The following TMEM132C variants were observed in gnomAD, a reference collection of about 807,000 sequenced individuals.
The protein encoded by TMEM132C is protein phosphatase 1, regulatory subunit 152.
TMEM132C carries 29 observed loss-of-function variants against 61.4 expected under a neutral mutation model. The observed-to-expected ratio is 0.47, with a 90% CI of 0.35 to 0.64. The LOEUF (loss-of-function observed/expected upper bound fraction) is 0.64. Among genes scored for constraint, TMEM132C ranks in the 30% least tolerant of loss-of-function variants. The pLI is 0.00. For synonymous variants in TMEM132C, 656 were observed against 633.1 expected (o/e 1.04, Z -0.54); for missense variants, 1,408 against 1,476.9 (o/e 0.95, Z 0.76).
At chr12:128,491,681 C>T (rs1006660686) in intron 2 of TMEM132C, among the ~76,000 whole-genome samples, 16 of 152,130 alleles carry the variant, frequency 1.1e-4, no homozygotes, top group East Asian at 9.7e-4. Flanking sequence ...GGACCTGGTG[C>T]TGACCCACGG....
At chr12:128,612,958 C>G (rs569201909) in intron 3 of TMEM132C, among the ~76,000 whole-genome samples, 15 of 152,188 alleles carry the variant, frequency 9.9e-5, no homozygotes, top group African/African-American at 3.6e-4. Flanking sequence ...ATGGGAATGT[C>G]ATTATTTCAG....
At chr12:128,632,856 T>A (rs1163973610) in intron 4 of TMEM132C, among the ~76,000 whole-genome samples, 1 of 152,246 alleles carries the variant, frequency 6.6e-6, no homozygotes, top group Non-Finnish European at 1.5e-5. Context: ...CTTCAGAATG[T>A]GGTATGGAAA....
At chr12:128,644,824 A>T (rs1954183449) in intron 4 of TMEM132C, among the ~76,000 whole-genome samples, 1 of 152,172 alleles carries the variant, frequency 6.6e-6, no homozygotes, top group African/African-American at 2.4e-5. Flanking sequence ...CAGGTGTGTG[A>T]GCTGCAGCTT....
intron 2 of TMEM132C, among the ~76,000 whole-genome samples, chr12:128,527,657 G>A (rs1873130739): frequency 6.6e-6 from 1 of 152,070 alleles, no homozygotes; most frequent in Non-Finnish European, 1.5e-5. Flanking sequence ...CATCAAGTTA[G>A]CAGTGGGGTG....
chr12:128,541,847 C>T (rs1466824675), intron 2 of TMEM132C, among the ~76,000 whole-genome samples: 1 of 152,108 alleles, frequency 6.6e-6, no homozygotes. Context: ...CAGTGTTTCT[C>T]CTGGAGGGTG....
At chr12:128,499,530 C>T (rs1872084032) in intron 2 of TMEM132C, among the ~76,000 whole-genome samples, 1 of 152,138 alleles carries the variant, frequency 6.6e-6, no homozygotes, top group Non-Finnish European at 1.5e-5. Context: ...GTATTTTGTA[C>T]CCATTAACCC....
intron 4 of TMEM132C, among the ~76,000 whole-genome samples, chr12:128,647,948 G>A (rs1415693813): frequency 6.8e-6 from 1 of 147,472 alleles, no homozygotes; most frequent in East Asian, 2.0e-4. Context: ...GTGTTTACTG[G>A]AGTCCATTGG....
chr12:128,679,783 T>C (rs1431931972), intron 5 of TMEM132C, among the ~76,000 whole-genome samples: 1 of 152,234 alleles, frequency 6.6e-6, no homozygotes, highest in East Asian at 1.9e-4. Flanking sequence ...ATAGAAAGTA[T>C]ATAAGTAAAC....
chr12:128,448,311 C>T (rs994000826), intron 2 of TMEM132C, among the ~76,000 whole-genome samples: 4 of 152,206 alleles, frequency 2.6e-5, no homozygotes, highest in African/African-American at 9.7e-5. Flanking sequence ...ATTTCTTTAC[C>T]TTGCAATTCC....
chr12:128,523,443 G>GT (rs1485375884), intron 2 of TMEM132C, among the ~76,000 whole-genome samples: 1 of 152,136 alleles, frequency 6.6e-6, no homozygotes, highest in Non-Finnish European at 1.5e-5. Flanking sequence ...TTACCACTTT[G>GT]TTTTTTAAAA....
intron 2 of TMEM132C, among the ~76,000 whole-genome samples, chr12:128,542,636 T>G (rs1437470096): frequency 1.3e-5 from 2 of 151,580 alleles, no homozygotes; most frequent in Non-Finnish European, 2.9e-5. Context: ...CCAAGGCGGG[T>G]GGATCACAAG....
chr12:128,678,349 C>A (rs1234599753), intron 5 of TMEM132C, among the ~76,000 whole-genome samples: 2 of 152,168 alleles, frequency 1.3e-5, no homozygotes, highest in Non-Finnish European at 2.9e-5. Flanking sequence ...CTTGGGGTCC[C>A]TGCTGTAAAG....
At chr12:128,385,818 C>T (rs1299423544) in intron 1 of TMEM132C, among the ~76,000 whole-genome samples, 3 of 152,214 alleles carry the variant, frequency 2.0e-5, no homozygotes, top group Admixed American at 1.3e-4. Flanking sequence ...TGATCTGCGG[C>T]TCTGATTTGC....
intron 1 of TMEM132C, among the ~76,000 whole-genome samples, chr12:128,334,295 C>T (rs565250506): frequency 7.9e-5 from 12 of 152,208 alleles, no homozygotes; most frequent in African/African-American, 1.9e-4. Flanking sequence ...CTCCACAGAC[C>T]GCCACCGCCC....
chr12:128,493,313 G>C (rs1871815923), intron 2 of TMEM132C, among the ~76,000 whole-genome samples: 1 of 152,170 alleles, frequency 6.6e-6, no homozygotes, highest in Admixed American at 6.5e-5. Context: ...CTTTGGCTTA[G>C]GATTGTCTTC....
At chr12:128,285,652 TCTCTCC>T (rs1444749686) in intron 1 of TMEM132C, among the ~76,000 whole-genome samples, 2 of 150,438 alleles carry the variant, frequency 1.3e-5, no homozygotes, top group Non-Finnish European at 2.9e-5. Context: ...TCTCTCTCTC[TCTCTCC>T]CTCTCCCTCC....
intron 1 of TMEM132C, among the ~76,000 whole-genome samples, chr12:128,398,087 G>A (rs56385911): frequency 2.6e-5 from 4 of 152,236 alleles, no homozygotes; most frequent in African/African-American, 9.6e-5. Context: ...AAGCTCAGAG[G>A]CCTCATCCAT....
At chr12:128,340,312 C>T (rs1163550738) in intron 1 of TMEM132C, among the ~76,000 whole-genome samples, 3 of 152,096 alleles carry the variant, frequency 2.0e-5, no homozygotes, top group African/African-American at 7.2e-5. Context: ...CCTAATTTTG[C>T]TTATCTGCTT....
At chr12:128,549,188 G>C (rs188601651) in intron 3 of TMEM132C, among the ~76,000 whole-genome samples, 1 of 152,074 alleles carries the variant, frequency 6.6e-6, no homozygotes, top group Non-Finnish European at 1.5e-5. Context: ...TTTGGTCCTG[G>C]GCCCAGGCTG....
Sources: gnomAD v4.1 joint callset for allele counts (sites outside exome capture counted in the v4.1 genomes callset) on GRCh38, gnomAD v4.1.1 for gene constraint, MANE v1.5 for transcripts, NCBI Gene and HGNC (gene_info 2026-07-23, HGNC 2026-07-21) for gene names.